The following AUTS2 variants were observed in gnomAD, a reference collection of about 807,000 sequenced individuals.
AUTS2 encodes autism susceptibility gene 2 protein.
AUTS2 carries 17 observed loss-of-function variants against 112.4 expected under a neutral mutation model. The ratio of observed to expected loss-of-function variants is 0.15; its 90% CI spans 0.10 to 0.23. The LOEUF is 0.23. AUTS2 is among the 10% of genes least tolerant of loss of function. AUTS2 has a pLI of 1.00. For missense variants in AUTS2, 1,510 were observed against 1,701.6 expected (o/e 0.89, Z 1.98); for synonymous variants, 751 against 702.7 (o/e 1.07, Z -1.09).
chr7:69,723,259 C>T (rs992258223), intron 1 of AUTS2, among the ~76,000 whole-genome samples: 3 of 151,972 alleles, frequency 2.0e-5, no homozygotes, highest in Non-Finnish European at 4.4e-5. Flanking sequence ...ATGTGATTCT[C>T]GGAGACCTTT....
At chr7:69,630,678 CAT>C (rs1412457991) in intron 1 of AUTS2, among the ~76,000 whole-genome samples, 1 of 152,128 alleles carries the variant, frequency 6.6e-6, no homozygotes, top group Non-Finnish European at 1.5e-5. Flanking sequence ...TCTTTAGCAA[CAT>C]ATTAGGATAA....
At chr7:69,777,709 T>G (rs1788955254) in intron 1 of AUTS2, among the ~76,000 whole-genome samples, 1 of 152,242 alleles carries the variant, frequency 6.6e-6, no homozygotes, top group South Asian at 2.1e-4. Flanking sequence ...TTTTTTCCCT[T>G]TAAAAATTAG....
At chr7:69,644,424 A>G (rs1794931778) in intron 1 of AUTS2, among the ~76,000 whole-genome samples, 1 of 151,892 alleles carries the variant, frequency 6.6e-6, no homozygotes, top group Non-Finnish European at 1.5e-5. Context: ...GGAAAACAAA[A>G]TGTTGCTGTT....
At chr7:70,184,557 T>C (rs1809497959) in intron 4 of AUTS2, among the ~76,000 whole-genome samples, 1 of 152,234 alleles carries the variant, frequency 6.6e-6, no homozygotes, top group Admixed American at 6.5e-5. Context: ...TCAGTATATA[T>C]ATTTTTTGGA....
intron 4 of AUTS2, among the ~76,000 whole-genome samples, chr7:70,337,561 C>T (rs1005055077): frequency 3.9e-5 from 6 of 152,220 alleles, no homozygotes; most frequent in South Asian, 2.1e-4. Flanking sequence ...TGCATCTGTG[C>T]TATAGTTTTC....
chr7:70,002,047 T>C (rs1799222953), intron 2 of AUTS2, among the ~76,000 whole-genome samples: 1 of 152,206 alleles, frequency 6.6e-6, no homozygotes, highest in Non-Finnish European at 1.5e-5. Flanking sequence ...ATTTTGGCTT[T>C]AATAAAAACA....
intron 1 of AUTS2, among the ~76,000 whole-genome samples, chr7:69,628,465 G>A (rs922449797): frequency 6.6e-6 from 1 of 152,148 alleles, no homozygotes; most frequent in African/African-American, 2.4e-5. Context: ...ATGAACATTT[G>A]TCGTAACTGT....
intron 6 of AUTS2, among the ~76,000 whole-genome samples, chr7:70,762,604 G>T (rs563377648): frequency 6.6e-6 from 1 of 152,246 alleles, no homozygotes; most frequent in East Asian, 1.9e-4. Context: ...CCTCTGGCCA[G>T]TTGGCCTTTC....
At position 70,790,945 on chromosome 7, in the gene AUTS2, G is replaced by C. The variant is rs769376506; in HGVS notation, c.3729G>C (p.Glu1243Asp). ...SPRRTTPLSA[E>D]IRERPPSHTL... is the part of the protein sequence containing the mutation. ...GAAGGACGACTCCTCTGTCCGCAGAGATAAGGGAGAGGCCCCCTTCCCACA... is the reference window on the plus strand; with the variant it reads ...GAAGGACGACTCCTCTGTCCGCAGACATAAGGGAGAGGCCCCCTTCCCACA... Residue 1243 changes from glutamate (E) to aspartate (D), a missense_variant, in exon 19 of 19, where the codon GAG (glutamate) becomes GAC (aspartate). Coordinates refer to ENST00000342771, the MANE Select transcript of AUTS2 (RefSeq NM_015570.4). The surrounding 1 kb of genome is among the most constrained non-coding windows in gnomAD (Gnocchi z 7.6). 5 of 1,519,730 alleles carry C rather than the reference G, an allele frequency of 3.3e-6. No individual in the cohort carries two copies. Among genetic ancestry groups the C allele is most frequent in the Non-Finnish European group, 4.4e-6 (5 of 1,134,494 alleles). The allele number at this position is 1,519,730 out of a possible 1,614,324, so 94.1% of individuals were successfully genotyped here.
intron 5 of AUTS2, among the ~76,000 whole-genome samples, chr7:70,640,421 GAAAAAAAAAA>G (rs57911940): frequency 3.2e-5 from 3 of 93,616 alleles, no homozygotes; most frequent in Non-Finnish European, 5.8e-5. Flanking sequence ...CTCACAGGGG[GAAAAAAAAAA>G]AAAAAAAAAA....
rs562538285 is a variant in AUTS2, at chr7:70,382,328, T to G, written c.661-53424T>G. ...ATGTCCAGTAGCTTTCTAACTCATCTCTCTACTACAATCCCCAACTCTGAT... is the reference window on the plus strand; with the variant it reads ...ATGTCCAGTAGCTTTCTAACTCATCGCTCTACTACAATCCCCAACTCTGAT... On this transcript the variant is annotated intron_variant, in intron 4 of 18. Coordinates refer to ENST00000342771, the MANE Select transcript of AUTS2 (RefSeq NM_015570.4). Among the ~76,000 whole-genome samples, 123 of 152,274 alleles carry G rather than the reference T, an allele frequency of 8.1e-4. 1 individual carries two copies. The highest frequency in any genetic ancestry group is 1.4e-3 in the Non-Finnish European group (93 of 68,014).
At chr7:70,619,917 TGAGTC>T (rs1165617214) in intron 5 of AUTS2, among the ~76,000 whole-genome samples, 1 of 152,144 alleles carries the variant, frequency 6.6e-6, no homozygotes, top group African/African-American at 2.4e-5. Context: ...TTCAGGTACT[TGAGTC>T]CCAGCCACAG....
At chr7:69,735,033 C>A (rs1399719608) in intron 1 of AUTS2, among the ~76,000 whole-genome samples, 1 of 152,188 alleles carries the variant, frequency 6.6e-6, no homozygotes, top group Non-Finnish European at 1.5e-5. Context: ...GATATTCAGA[C>A]AACTCTATTG....
chr7:69,903,597 T>C (rs1795049344), intron 2 of AUTS2, among the ~76,000 whole-genome samples: 3 of 152,184 alleles, frequency 2.0e-5, no homozygotes, highest in Admixed American at 1.3e-4. Flanking sequence ...TTAGGTTATA[T>C]GAACTCTTCT....
chr7:69,770,603 G>C (rs914617866), intron 1 of AUTS2, among the ~76,000 whole-genome samples: 2 of 152,002 alleles, frequency 1.3e-5, no homozygotes, highest in Middle Eastern at 3.2e-3. Flanking sequence ...GTTAGAGGTG[G>C]TTATCCTACT....
At chr7:70,008,339 C>T (rs1244803133) in intron 2 of AUTS2, among the ~76,000 whole-genome samples, 1 of 151,902 alleles carries the variant, frequency 6.6e-6, no homozygotes, top group Non-Finnish European at 1.5e-5. Context: ...TGCTATGAGA[C>T]TTTGAATTTA....
intron 5 of AUTS2, among the ~76,000 whole-genome samples, chr7:70,549,013 A>G (rs1037570268): frequency 6.6e-5 from 10 of 151,514 alleles, no homozygotes; most frequent in African/African-American, 2.2e-4. Flanking sequence ...TTGCCTTTTT[A>G]ACAATATTGA....
chr7:70,138,003 T>G (rs1038842735), intron 4 of AUTS2, among the ~76,000 whole-genome samples: 1 of 152,214 alleles, frequency 6.6e-6, no homozygotes, highest in African/African-American at 2.4e-5. Context: ...TATATGAACA[T>G]GACGATGTTG....
chr7:69,872,103 A>T (rs1793524601), intron 1 of AUTS2, among the ~76,000 whole-genome samples: 1 of 152,214 alleles, frequency 6.6e-6, no homozygotes, highest in African/African-American at 2.4e-5. Flanking sequence ...AAGATTATAG[A>T]GCATTAAACC....
Sources: allele counts gnomAD v4.1 joint callset (sites outside exome capture counted in the v4.1 genomes callset), GRCh38; gene constraint gnomAD v4.1.1; non-coding constraint Gnocchi (gnomAD v3.1); transcripts MANE v1.5; gene names NCBI Gene and HGNC (gene_info 2026-07-23, HGNC 2026-07-21).